The following MECR variants were observed in gnomAD, a reference collection of about 807,000 sequenced individuals.
MECR encodes enoyl-[acyl-carrier-protein] reductase, mitochondrial.
A neutral mutation model predicts 49.1 loss-of-function variants in MECR; 37 were observed. That is an observed-to-expected ratio of 0.75 (90% CI 0.58 to 0.99). MECR has a LOEUF of 0.99. Ranked by LOEUF, MECR falls within the 50% of genes least tolerant of loss-of-function variation. The pLI is 0.00. For synonymous variants in MECR, 198 were observed against 191.1 expected, an observed-to-expected ratio of 1.04 and a Z score of -0.30; for missense variants, 470 against 479.6, an observed-to-expected ratio of 0.98 and a Z score of 0.19.
rs541968727 is a variant in MECR at position 29,198,085 on chromosome 1, T to C, written c.831-1827A>G. ...AGGCATTAGATTCTCATAAGGAGCA[T>C]GGGACCTAGATCCCTTCCCTGCGTG... On this transcript the variant is annotated intron_variant, in intron 7 of 9. Coordinates refer to ENST00000263702, the MANE Select transcript of MECR (RefSeq NM_016011.5). 1.3e-5 allele frequency among the ~76,000 whole-genome samples: 2 copies of C among 152,304 alleles called. 1 individual carries two copies. The highest frequency in any genetic ancestry group is 4.1e-4 in the South Asian group (2 of 4,824).
Position 29,200,526 on chromosome 1 carries a change from G to C in MECR, c.820C>G (p.Arg274Gly). 1 of 1,613,232 alleles carries C rather than the reference G, an allele frequency of 6.2e-7. No individual in the cohort carries two copies. The highest frequency in any genetic ancestry group is 8.5e-7 in the Non-Finnish European group (1 of 1,179,288). Reference protein sequence around the residue: ...VGGKSSTELLRQLARGGTMVT... With the variant: ...VGGKSSTELLGQLARGGTMVT... The stretch of plus-strand genomic sequence containing the variant: ...GCCCAAGGGACTTACGCTAACTGCC[G>C]CAGCAGCTCTGTGGAGCTTTTCCCA... Residue 274 changes from arginine to glycine, a missense_variant, in exon 7 of 10, where the codon CGG becomes GGG. Coordinates refer to ENST00000263702, the MANE Select transcript of MECR (RefSeq NM_016011.5).
the MECR span, among the ~76,000 whole-genome samples, chr1:29,187,316 G>A: frequency 2.0e-5 from 3 of 151,902 alleles, no homozygotes; most frequent in African/African-American, 7.3e-5. Context: ...GGGTTCAAGC[G>A]ATTCTCGTGC....
chr1:29,209,610 A>G (rs1677448563), intron 3 of MECR, among the ~76,000 whole-genome samples: 1 of 152,108 alleles, frequency 6.6e-6, no homozygotes, highest in South Asian at 2.1e-4. Flanking sequence ...TATTTTAAAG[A>G]CAGAATCAAT....
At chr1:29,207,053 G>T in intron 3 of MECR, 148 bp from the exon 4 acceptor site, 1 of 799,516 alleles carries the variant, frequency 1.3e-6, no homozygotes, top group Non-Finnish European at 2.0e-6. Context: ...TTTAGAAAAA[G>T]AAGAAAATCT....
Position 29,192,689 on chromosome 1 carries a change from G to C in MECR, c.*1333C>G, listed in dbSNP as rs760575392. On this transcript the variant is annotated 3_prime_UTR_variant, in exon 10 of 10. Transcript: ENST00000263702. Reference sequence around the variant, plus strand: ...GTTCTTTGCTTTGAGCAAATGAATCGTGAAGCAAATACCAAAAAGTCACGT... The same window carrying C: ...GTTCTTTGCTTTGAGCAAATGAATCCTGAAGCAAATACCAAAAAGTCACGT... Among the ~76,000 whole-genome samples the C allele has an allele frequency of 6.6e-6, 1 of 152,150 alleles. No individual in the cohort carries two copies. The highest frequency in any genetic ancestry group is 2.4e-5 in the African/African-American group (1 of 41,446).
chr1:29,176,430 G>GT, the MECR span, among the ~76,000 whole-genome samples: 1 of 151,402 alleles, frequency 6.6e-6, no homozygotes, highest in Non-Finnish European at 1.5e-5. Flanking sequence ...TAAGAATACG[G>GT]TAACGATGAA....
Position 29,230,781 on chromosome 1 carries a change from C to T in MECR, c.126G>A (p.Arg42=). 6.2e-7 allele frequency: 1 copy of T among 1,603,752 alleles called. No individual in the cohort carries two copies. Residue 42 remains arginine, a synonymous_variant, in exon 1 of 10, where the codon CGG becomes CGA. Transcript: ENST00000263702. ...GGTGCCCATAGACAAGCGCCCGGAC[C>T]CGGGCAGGCTCGGCGGATGCGGAGT... ...SSYSASAEPA[R]VRALVYGHHG...
chr1:29,208,130 T>C (rs1281240114), intron 3 of MECR, among the ~76,000 whole-genome samples: 2 of 152,122 alleles, frequency 1.3e-5, no homozygotes, highest in African/African-American at 2.4e-5. Flanking sequence ...ATAGCTGGGA[T>C]TACAGGCACC....
Position 29,194,063 on chromosome 1 carries a change from T to G in MECR, c.1081A>C (p.Met361Leu), listed in dbSNP as rs1230690046. 2.5e-6 allele frequency: 4 copies of G among 1,614,162 alleles called. No individual in the cohort carries two copies. Among genetic ancestry groups the G allele is most frequent in the Non-Finnish European group, 2.5e-6 (3 of 1,180,032 alleles). ...TGCTTTGAAGATATGAAGGGCTTCATGGAGGCTTCCAAGGCAGACTGGTAG... is the reference window on the plus strand; with the variant it reads ...TGCTTTGAAGATATGAAGGGCTTCAGGGAGGCTTCCAAGGCAGACTGGTAG... ...QDYQSALEAS[M>L]KPFISSKQIL... is the part of the protein sequence containing the mutation. The change falls in exon 10 of 10, where the codon ATG becomes CTG. Residue 361 changes from methionine to leucine, a missense_variant. Met to Leu is a conservative substitution (Grantham distance 15). Coordinates refer to ENST00000263702, the MANE Select transcript of MECR (RefSeq NM_016011.5).
intron 4 of MECR, among the ~76,000 whole-genome samples, chr1:29,206,429 C>T (rs1016077787): frequency 1.3e-5 from 2 of 152,150 alleles, no homozygotes; most frequent in African/African-American, 2.4e-5. Context: ...TTATTGAAAA[C>T]ATAGGGACTG....
At chr1:29,202,834 C>G (rs1340473364) in intron 5 of MECR, among the ~76,000 whole-genome samples, 2 of 152,088 alleles carry the variant, frequency 1.3e-5, no homozygotes, top group African/African-American at 4.8e-5. Flanking sequence ...GTTTTGAAAA[C>G]ATGAGGTTAT....
intron 1 of MECR, among the ~76,000 whole-genome samples, chr1:29,218,352 C>G (rs1020374244): frequency 1.3e-5 from 2 of 152,204 alleles, no homozygotes; most frequent in Non-Finnish European, 2.9e-5. Context: ...TTTCTCCACA[C>G]CCCTTAGATT....
intron 1 of MECR, among the ~76,000 whole-genome samples, chr1:29,228,357 T>C (rs1682627656): frequency 6.7e-6 from 1 of 149,110 alleles, no homozygotes; most frequent in East Asian, 1.9e-4. Flanking sequence ...AAGTATCTTT[T>C]TTTTTTTTTT....
chr1:29,214,343 GAGCCAC>G (rs1175525091), intron 3 of MECR, among the ~76,000 whole-genome samples: 1 of 148,766 alleles, frequency 6.7e-6, no homozygotes, highest in Non-Finnish European at 1.5e-5. Flanking sequence ...TTACAGGCAT[GAGCCAC>G]TGCGCCTGGC....
chr1:29,196,794 A>G (rs1428382772), intron 7 of MECR, among the ~76,000 whole-genome samples: 1 of 152,120 alleles, frequency 6.6e-6, no homozygotes, highest in Non-Finnish European at 1.5e-5. Flanking sequence ...GCCTGAGCCC[A>G]GGAGTTTGAG....
the MECR span, among the ~76,000 whole-genome samples, chr1:29,175,693 T>TAA: frequency 4.0e-4 from 1 of 2,506 alleles, no homozygotes; most frequent in African/African-American, 8.4e-4. Flanking sequence ...AGACGCTGTC[T>TAA]CAAAAAAAAA....
intron 1 of MECR, among the ~76,000 whole-genome samples, chr1:29,226,028 G>A (rs1681952278): frequency 6.6e-6 from 1 of 152,096 alleles, no homozygotes; most frequent in African/African-American, 2.4e-5. Flanking sequence ...AATTAGCTGG[G>A]TGTGGTGGCA....
intron 3 of MECR, among the ~76,000 whole-genome samples, chr1:29,213,795 G>A (rs1678629372): frequency 6.6e-6 from 1 of 152,216 alleles, no homozygotes; most frequent in African/African-American, 2.4e-5. Flanking sequence ...TGCATTTACT[G>A]TTATATCACC....
chr1:29,198,844 T>TC (rs1441942135), intron 7 of MECR, among the ~76,000 whole-genome samples: 2 of 152,198 alleles, frequency 1.3e-5, no homozygotes, highest in Admixed American at 1.3e-4. Context: ...CTCGAATTTT[T>TC]GACCTCAGGT....
Sources: gnomAD v4.1 joint callset for allele counts (sites outside exome capture counted in the v4.1 genomes callset) on GRCh38, gnomAD v4.1.1 for gene constraint, MANE v1.5 for transcripts, NCBI Gene and HGNC (gene_info 2026-07-23, HGNC 2026-07-21) for gene names.